RAB15: variants seen among roughly 807,000 people sequenced by gnomAD.
RAB15 encodes ras-related protein Rab-15.
In RAB15, 13 loss-of-function variants were observed where a neutral mutation model predicts 31.8. The observed-to-expected ratio is 0.41, with a 90% CI of 0.27 to 0.65. RAB15 has a LOEUF of 0.65. Among genes scored for constraint, RAB15 ranks in the 30% least tolerant of loss-of-function variants. The probability of loss-of-function intolerance (pLI) is 0.32; values close to 1 mark genes in which losing one functional copy is unlikely to be tolerated. For missense variants in RAB15, 220 were observed against 277.3 expected (o/e 0.79, Z 1.47); for synonymous variants, 100 against 105.6 (o/e 0.95, Z 0.33).
chr14:64,952,380 G>A lies in RAB15; in HGVS notation c.185+131C>T, dbSNP rs967096946. 1.2e-4 allele frequency: 83 copies of A among 675,454 alleles called. No homozygotes were observed. Among genetic ancestry groups the A allele is most frequent in the African/African-American group, 9.8e-4 (54 of 55,118 alleles). 41.8% of individuals were successfully genotyped at this position (675,454 alleles called of 1,614,324 possible). On this transcript the variant is annotated intron_variant, in intron 2 of 6. Transcript: ENST00000533601. This position sits in a 1 kb window ranked among gnomAD's most constrained non-coding sequence, Gnocchi z 4.2. ...GGAAGAGATGGGCTTCTGAGACTTCGCTTCCATCCATCAGAGAGGTGGCCA... is the reference window on the plus strand; with the variant it reads ...GGAAGAGATGGGCTTCTGAGACTTCACTTCCATCCATCAGAGAGGTGGCCA...
At chr14:64,956,661 G>T (rs1247398669) in intron 1 of RAB15, among the ~76,000 whole-genome samples, 1 of 152,170 alleles carries the variant, frequency 6.6e-6, no homozygotes. Flanking sequence ...GCTTTGCAGA[G>T]CTTCGGCTTT....
chr14:64,957,879 C>G (rs966262162), intron 1 of RAB15: 1 of 147,210 alleles, frequency 6.8e-6, no homozygotes, highest in Non-Finnish European at 1.5e-5. Context: ...CTGGCATACC[C>G]GATGCCTTTT....
rs756971241 is a variant in RAB15, at chr14:64,970,285, T to C, written c.124+1668A>G. 6.6e-6 allele frequency among the ~76,000 whole-genome samples: 1 copy of C among 152,216 alleles called. No individual in the cohort carries two copies. The highest frequency in any genetic ancestry group is 2.4e-5 in the African/African-American group (1 of 41,464). ...TCCCTGAGCCCACAACCTGTCCTCA[T>C]ACACCATCTGGTTCCTCTGCCACTT... On this transcript the variant is annotated intron_variant, in intron 1 of 6. Transcript: ENST00000533601. The surrounding 1 kb of genome is among the most constrained non-coding windows in gnomAD (Gnocchi z 4.1).
chr14:64,950,619 C>G lies in RAB15; in HGVS notation c.325-205G>C, dbSNP rs1031308910. 9.8e-6 allele frequency: 6 copies of G among 609,214 alleles called. No individual in the cohort carries two copies. The highest frequency in any genetic ancestry group is 1.8e-5 in the Non-Finnish European group (6 of 342,242). 37.7% of individuals were successfully genotyped at this position (609,214 alleles called of 1,614,324 possible). A position where few individuals can be genotyped will look rare whatever the true frequency, so the allele number is the denominator to read the frequency against. ...GGGAGAGCTTAGGGTAGAAGACACT[C>G]TGGCTAAGACTGGTGCTTCCTTGGG... On this transcript the variant is annotated intron_variant, in intron 4 of 6. Coordinates refer to ENST00000533601, the MANE Select transcript of RAB15 (RefSeq NM_001308154.2). This position sits in a 1 kb window ranked among gnomAD's most constrained non-coding sequence, Gnocchi z 5.6.
At chr14:64,949,757 A>T (rs1454220455) in intron 5 of RAB15, among the ~76,000 whole-genome samples, 1 of 151,830 alleles carries the variant, frequency 6.6e-6, no homozygotes, top group Non-Finnish European at 1.5e-5. Flanking sequence ...AGAAAAAAAA[A>T]ATAACCAATA....
At chr14:64,957,632 G>A (rs1886648220) in intron 1 of RAB15, among the ~76,000 whole-genome samples, 1 of 152,102 alleles carries the variant, frequency 6.6e-6, no homozygotes, top group Non-Finnish European at 1.5e-5. Flanking sequence ...TCTTATGCGG[G>A]TCCCATGAAG....
chr14:64,970,553 G>A lies in RAB15; in HGVS notation c.124+1400C>T, dbSNP rs905331944. 1.3e-5 allele frequency among the ~76,000 whole-genome samples: 2 copies of A among 152,222 alleles called. No individual in the cohort carries two copies. Among genetic ancestry groups the A allele is most frequent in the Non-Finnish European group, 2.9e-5 (2 of 68,038 alleles). ...TCACCCTTCAAGTTGGTGAAACAAA[G>A]AGAGGAGACCCTAAAAGCTCAATGA... On this transcript the variant is annotated intron_variant, in intron 1 of 6. Transcript: ENST00000533601. The surrounding 1 kb of genome is among the most constrained non-coding windows in gnomAD (Gnocchi z 4.1).
rs185547148 is a variant in RAB15 at position 64,966,852 on chromosome 14, A to C, written c.124+5101T>G. On this transcript the variant is annotated intron_variant, in intron 1 of 6. Transcript: ENST00000533601. ...AACAGAGTAGGTAGAGACTGGTCTC[A>C]GGCTGCCTGAAGGCTGACACAGACC... 1.8e-4 allele frequency among the ~76,000 whole-genome samples: 27 copies of C among 152,252 alleles called. No individual in the cohort carries two copies. In the East Asian group the frequency reaches 5.2e-3, roughly 29 times the overall value.
In RAB15 at chr14:64,968,690, C is replaced by T. The variant is rs73268714; in HGVS notation, c.124+3263G>A. On this transcript the variant is annotated intron_variant, in intron 1 of 6. Coordinates refer to ENST00000533601, the MANE Select transcript of RAB15 (RefSeq NM_001308154.2). The surrounding 1 kb of genome is among the most constrained non-coding windows in gnomAD (Gnocchi z 4.9). ...GTTATGGGCTTCTGTGGGCAGAAAA[C>T]GTAGACTGCAATATGTCTCTAAAAT... 2.7e-3 allele frequency among the ~76,000 whole-genome samples: 412 copies of T among 152,286 alleles called. 1 individual carries two copies. The highest frequency in any genetic ancestry group is 9.1e-3 in the African/African-American group (377 of 41,544).
In RAB15 at chr14:64,958,657, A is replaced by G. The variant is rs1886701191; in HGVS notation, c.125-6086T>C. On this transcript the variant is annotated intron_variant, in intron 1 of 6. Transcript: ENST00000533601. This position sits in a 1 kb window ranked among gnomAD's most constrained non-coding sequence, Gnocchi z 4.4. ...CGACAGTGTCCCTACAAAACAGTCT[A>G]CTTCCTTTCTTGGGTACAGAAAGAA... Among the ~76,000 whole-genome samples, 2 of 152,174 alleles carry G rather than the reference A, an allele frequency of 1.3e-5. No homozygotes were observed.
intron 1 of RAB15, among the ~76,000 whole-genome samples, chr14:64,960,974 C>T (rs1396615540): frequency 6.6e-6 from 1 of 152,182 alleles, no homozygotes; most frequent in African/African-American, 2.4e-5. Flanking sequence ...GGGCAGCTGC[C>T]AGCTTGCCTG....
chr14:64,969,133 G>A (rs945375469), intron 1 of RAB15, among the ~76,000 whole-genome samples: 2 of 152,238 alleles, frequency 1.3e-5, no homozygotes, highest in African/African-American at 4.8e-5. Context: ...TCAGTGGCCA[G>A]CATGGTCATG....
chr14:64,963,646 C>T lies in RAB15; in HGVS notation c.124+8307G>A, dbSNP rs1661438294. ...AAACATCTTAGAAAGAAGGGGGCTT[C>T]CAGATGCACCTGCCCTCACCCAGAG... On this transcript the variant is annotated intron_variant, in intron 1 of 6. Transcript: ENST00000533601. 2.0e-5 allele frequency among the ~76,000 whole-genome samples: 3 copies of T among 152,220 alleles called. No homozygotes were observed. The South Asian group carries it at 6.2e-4, about 32-fold the overall frequency.
In RAB15 at chr14:64,950,276, G is replaced by A. The variant is rs879469158; in HGVS notation, c.414+49C>T. The A allele has an allele frequency of 1.8e-5, 26 of 1,471,828 alleles. No individual in the cohort carries two copies. The highest frequency in any genetic ancestry group is 2.3e-5 in the Non-Finnish European group (24 of 1,051,548). 91.2% of individuals were successfully genotyped at this position (1,471,828 alleles called of 1,614,324 possible). Reference sequence around the variant, plus strand: ...GTCCCCACGCTCAGGACTGGCCCTGGAGGCCCAGCAGAGGACCTGGGGTGG... The same window carrying A: ...GTCCCCACGCTCAGGACTGGCCCTGAAGGCCCAGCAGAGGACCTGGGGTGG... On this transcript the variant is annotated intron_variant, in intron 5 of 6. Transcript: ENST00000533601. The surrounding 1 kb of genome is among the most constrained non-coding windows in gnomAD (Gnocchi z 5.6).
intron 1 of RAB15, among the ~76,000 whole-genome samples, chr14:64,969,113 G>T (rs1403666696): frequency 3.3e-5 from 5 of 152,232 alleles, no homozygotes; most frequent in African/African-American, 1.2e-4. Flanking sequence ...CCCTGGGAAA[G>T]GTGCCTCGAT....
chr14:64,953,708 G>C lies in RAB15; in HGVS notation c.125-1137C>G. 1.3e-6 allele frequency: 1 copy of C among 789,116 alleles called. No homozygotes were observed. The highest frequency in any genetic ancestry group is 1.5e-6 in the Non-Finnish European group (1 of 650,670). 48.9% of individuals were successfully genotyped at this position (789,116 alleles called of 1,614,324 possible). A position where few individuals can be genotyped will look rare whatever the true frequency, so the allele number is the denominator to read the frequency against. ...TGAGGGAGGTTGTTTTGCTGACCAT[G>C]CCTCTCCCCAACTCTAACTATACCC... On this transcript the variant is annotated intron_variant, in intron 1 of 6. Transcript: ENST00000533601. This position sits in a 1 kb window ranked among gnomAD's most constrained non-coding sequence, Gnocchi z 4.6.
At position 64,958,960 on chromosome 14, in the gene RAB15, G is replaced by T. The variant is rs2139986047; in HGVS notation, c.125-6389C>A. Among the ~76,000 whole-genome samples the T allele has an allele frequency of 6.6e-6, 1 of 152,328 alleles. No individual in the cohort carries two copies. Among genetic ancestry groups the T allele is most frequent in the Non-Finnish European group, 1.5e-5 (1 of 68,034 alleles). On this transcript the variant is annotated intron_variant, in intron 1 of 6. Transcript: ENST00000533601. This position sits in a 1 kb window ranked among gnomAD's most constrained non-coding sequence, Gnocchi z 4.4. The stretch of plus-strand genomic sequence containing the variant: ...GGCTGGGTGCAACATGTTCTTTGTG[G>T]AGAAGCAGGTTCAGACTGGACCATC...
rs552940104 is a variant in RAB15, at chr14:64,952,732, A to G, written c.125-161T>C. Among the ~76,000 whole-genome samples the G allele has an allele frequency of 3.3e-5, 5 of 152,222 alleles. No homozygotes were observed. Among genetic ancestry groups the G allele is most frequent in the Non-Finnish European group, 7.3e-5 (5 of 68,038 alleles). ...TTTAAGCAGAAACTGACCTTAAGGA[A>G]GTATCTGAAGCTTTGAAAGGGGCTT... On this transcript the variant is annotated intron_variant, in intron 1 of 6. Coordinates refer to ENST00000533601, the MANE Select transcript of RAB15 (RefSeq NM_001308154.2). The surrounding 1 kb of genome is among the most constrained non-coding windows in gnomAD (Gnocchi z 4.2).
chr14:64,968,458 A>G lies in RAB15; in HGVS notation c.124+3495T>C, dbSNP rs552876464. Among the ~76,000 whole-genome samples the G allele has an allele frequency of 1.3e-5, 2 of 152,252 alleles. No homozygotes were observed. Among genetic ancestry groups the G allele is most frequent in the South Asian group, 4.1e-4 (2 of 4,830 alleles). ...GGAATAGCACTCACCCATCCCATCC[A>G]TCGCCATTCTCCGGCTGCCTCATGG... On this transcript the variant is annotated intron_variant, in intron 1 of 6. Transcript: ENST00000533601. This position sits in a 1 kb window ranked among gnomAD's most constrained non-coding sequence, Gnocchi z 4.9.
Sources: gnomAD v4.1 joint callset for allele counts (sites outside exome capture counted in the v4.1 genomes callset) on GRCh38, gnomAD v4.1.1 for gene constraint, Gnocchi (gnomAD v3.1) non-coding constraint, MANE v1.5 for transcripts, NCBI Gene and HGNC (gene_info 2026-07-23, HGNC 2026-07-21) for gene names.